Variants in SVIL observed in about 807,000 individuals in gnomAD.
SVIL encodes archvillin.
A neutral mutation model predicts 240.4 loss-of-function variants in SVIL; 101 were observed. That is an observed-to-expected ratio of 0.42 (90% CI 0.36 to 0.50). SVIL has a LOEUF of 0.50. Ranked by LOEUF, SVIL falls within the 20% of genes least tolerant of loss-of-function variation. SVIL has a pLI of 0.01. For synonymous variants in SVIL, 999 were observed against 1,100.0 expected, an observed-to-expected ratio of 0.91 and a Z score of 1.82; for missense variants, 2,512 against 2,818.7, an observed-to-expected ratio of 0.89 and a Z score of 2.46.
intron 20 of SVIL, 24 bp from the exon 21 acceptor site, chr10:29,493,415 A>C: frequency 1.2e-6 from 2 of 1,611,766 alleles, no homozygotes; most frequent in Middle Eastern, 1.7e-4. Context: ...AGCAAAAGAC[A>C]TAAGAGTTTT....
chr10:29,524,583 C>A lies in SVIL; in HGVS notation c.2475G>T (p.Leu825Phe). The A allele has an allele frequency of 6.2e-7, 1 of 1,614,096 alleles. No homozygotes were observed. Among genetic ancestry groups the A allele is most frequent in the Non-Finnish European group, 8.5e-7 (1 of 1,180,036 alleles). Reference sequence around the variant, plus strand: ...AAATCGCTTTTGAGACTGGCTGGGACAATTTGTTAAACAAGGCCAACTTTT... The same window carrying A: ...AAATCGCTTTTGAGACTGGCTGGGAAAATTTGTTAAACAAGGCCAACTTTT... ...LAEKLALFNKLSQPVSKAIST... is the reference protein window; with the variant it reads ...LAEKLALFNKFSQPVSKAIST... The change falls in exon 14 of 38, where the codon TTG becomes TTT. Residue 825 changes from leucine to phenylalanine, a missense_variant. Leu to Phe is a conservative substitution (Grantham distance 22). This residue lies in a region of SVIL where 1,443 missense variants were observed against 1,486.6 expected (regional missense o/e 0.97). Transcript: ENST00000355867.
At chr10:29,516,850 G>T (rs1237774620) in intron 16 of SVIL, among the ~76,000 whole-genome samples, 1 of 152,222 alleles carries the variant, frequency 6.6e-6, no homozygotes, top group Admixed American at 6.5e-5. Context: ...CCTGCTTGTT[G>T]AGAACAAGGA....
chr10:29,496,582 A>C, intron 18 of SVIL: 1 of 346,224 alleles, frequency 2.9e-6, no homozygotes, highest in Non-Finnish European at 5.7e-6. Context: ...CGGTTCAGGC[A>C]GTGGCACTAT....
chr10:29,569,419 GA>G (rs1955268409), intron 1 of SVIL, 107 bp from the exon 2 acceptor site: 1 of 407,176 alleles, frequency 2.5e-6, no homozygotes, highest in African/African-American at 2.2e-5. Flanking sequence ...TTAAGAAAAA[GA>G]AAACCATTAA....
intron 1 of SVIL, among the ~76,000 whole-genome samples, chr10:29,626,342 C>G (rs572748989): frequency 6.6e-6 from 1 of 152,150 alleles, no homozygotes; most frequent in Non-Finnish European, 1.5e-5. Flanking sequence ...TACTTTAGTA[C>G]CATTCCATTG....
rs774211525 is a variant in SVIL, at chr10:29,473,866, ACCGTCATCAGCG to A, written c.5489_5500del (p.Ala1830_Thr1833del). On this transcript the variant is annotated inframe_deletion, in exon 30 of 38. Coordinates refer to ENST00000355867, the MANE Select transcript of SVIL (RefSeq NM_021738.3). ...GGCCCCCCTTTCCTCGTCCAGCTCC[ACCGTCATCAGCG>A]CCGACGTGCCCTTCTCACTCACGGT... 1.2e-6 allele frequency: 2 copies of A among 1,613,182 alleles called. 1 individual carries two copies. Among genetic ancestry groups the A allele is most frequent in the Admixed American group, 3.3e-5 (2 of 59,942 alleles).
rs968384249 is a variant in SVIL, at chr10:29,630,486, C to T, written c.-201+3934G>A. Among the ~76,000 whole-genome samples the T allele has an allele frequency of 3.3e-5, 5 of 152,226 alleles. No homozygotes were observed. The East Asian group carries it at 9.7e-4, about 29-fold the overall frequency. ...TCTCTGAACCAATACTAAAGAGCCCCTGAGATCAACAGTGCAAACTGCTCC... is the reference window on the plus strand; with the variant it reads ...TCTCTGAACCAATACTAAAGAGCCCTTGAGATCAACAGTGCAAACTGCTCC... On this transcript the variant is annotated intron_variant, in intron 1 of 37. Transcript: ENST00000355867.
chr10:29,652,935 T>C (rs1212184464), intron 3 of SVIL, among the ~76,000 whole-genome samples: 1 of 152,154 alleles, frequency 6.6e-6, no homozygotes, highest in African/African-American at 2.4e-5. Context: ...CTAGATACTG[T>C]CCTTTATGAC....
intron 1 of SVIL, among the ~76,000 whole-genome samples, chr10:29,692,704 A>C (rs1208973715): frequency 6.6e-6 from 1 of 151,782 alleles, no homozygotes; most frequent in East Asian, 1.9e-4. Context: ...TGTTGCCCAG[A>C]TTGGTTTCAA....
At chr10:29,478,502 AC>A (rs1946456160) in intron 29 of SVIL, among the ~76,000 whole-genome samples, 1 of 152,166 alleles carries the variant, frequency 6.6e-6, no homozygotes, top group African/African-American at 2.4e-5. Flanking sequence ...AGACAGAGTA[AC>A]TTTACCCAGC....
At chr10:29,578,066 A>G (rs1463478763) in intron 1 of SVIL, among the ~76,000 whole-genome samples, 3 of 152,228 alleles carry the variant, frequency 2.0e-5, no homozygotes, top group East Asian at 3.8e-4. Context: ...TGCATATAGA[A>G]GACTGGGTAA....
intron 1 of SVIL, among the ~76,000 whole-genome samples, chr10:29,594,239 T>A (rs1024609684): frequency 6.6e-6 from 1 of 151,946 alleles, no homozygotes; most frequent in African/African-American, 2.4e-5. Flanking sequence ...AGATATCTCA[T>A]TATGTACATG....
intron 3 of SVIL, among the ~76,000 whole-genome samples, chr10:29,656,404 A>T (rs1959007157): frequency 6.6e-6 from 1 of 151,984 alleles, no homozygotes; most frequent in African/African-American, 2.4e-5. Flanking sequence ...ATGCAACCAC[A>T]GAACCTTCAA....
At chr10:29,736,510 G>A (rs1964907883), upstream of SVIL, among the ~76,000 whole-genome samples, 1 of 152,104 alleles carries the variant, frequency 6.6e-6, no homozygotes, top group Admixed American at 6.5e-5. Context: ...AACTCGCTCT[G>A]TCGCCCGAGT....
At chr10:29,652,542 A>G (rs1263950994) in intron 3 of SVIL, among the ~76,000 whole-genome samples, 1 of 152,218 alleles carries the variant, frequency 6.6e-6, no homozygotes, top group East Asian at 1.9e-4. Context: ...GACTACAGGT[A>G]TAGGTATATG....
At chr10:29,621,734 G>C (rs554721549) in intron 1 of SVIL, among the ~76,000 whole-genome samples, 1 of 152,118 alleles carries the variant, frequency 6.6e-6, no homozygotes, top group African/African-American at 2.4e-5. Flanking sequence ...ACACCCTCTG[G>C]CCCTGCATTT....
At chr10:29,651,013 A>G (rs1958816923) in intron 3 of SVIL, among the ~76,000 whole-genome samples, 1 of 152,216 alleles carries the variant, frequency 6.6e-6, no homozygotes, top group Non-Finnish European at 1.5e-5. Context: ...ACTTTGAAAA[A>G]GCACATTAGT....
chr10:29,561,899 G>A (rs1954511555), intron 3 of SVIL, among the ~76,000 whole-genome samples: 1 of 152,152 alleles, frequency 6.6e-6, no homozygotes. Flanking sequence ...GTCAGTTCTT[G>A]AAAATTGCCA....
At chr10:29,482,504 T>A (rs576372844) in intron 27 of SVIL, among the ~76,000 whole-genome samples, 24 of 152,306 alleles carry the variant, frequency 1.6e-4, no homozygotes, top group African/African-American at 5.1e-4. Flanking sequence ...CCTCCTCAAT[T>A]CTCTACTATT....
Sources: allele counts gnomAD v4.1 joint callset (sites outside exome capture counted in the v4.1 genomes callset), GRCh38; gene constraint gnomAD v4.1.1; regional missense constraint gnomAD v4.1.1; transcripts MANE v1.5; gene names NCBI Gene and HGNC (gene_info 2026-07-23, HGNC 2026-07-21).